GPC5: variants seen among roughly 807,000 people sequenced by gnomAD.
GPC5 encodes the protein glypican-5.
GPC5 carries 47 observed loss-of-function variants against 53.9 expected under a neutral mutation model. That is an observed-to-expected ratio of 0.87 (90% CI 0.69 to 1.11). The LOEUF is 1.11. GPC5 is among the 50% of genes most tolerant of loss of function. The pLI, the probability that GPC5 is intolerant of heterozygous loss-of-function variation, is 0.00. For synonymous variants in GPC5, 286 were observed against 263.3 expected (o/e 1.09, Z -0.84); for missense variants, 748 against 713.1 (o/e 1.05, Z -0.56).
chr13:91,685,176 T>C (rs527811623), intron 2 of GPC5, among the ~76,000 whole-genome samples: 1 of 152,172 alleles, frequency 6.6e-6, no homozygotes, highest in South Asian at 2.1e-4. Flanking sequence ...GTGGTGGCGC[T>C]TGTCTGTGGT....
intron 7 of GPC5, among the ~76,000 whole-genome samples, chr13:92,667,895 G>A (rs1886626907): frequency 6.6e-6 from 1 of 152,022 alleles, no homozygotes; most frequent in Non-Finnish European, 1.5e-5. Flanking sequence ...TATTTTCTAG[G>A]GATTTCAAGT....
intron 7 of GPC5, among the ~76,000 whole-genome samples, chr13:92,663,012 A>G (rs4384485): frequency 0.58 from 88,890 of 152,050 alleles, 29,475 homozygotes; most frequent in Non-Finnish European, 0.77. Context: ...ACACATGATC[A>G]CTACTGTGAA....
intron 6 of GPC5, among the ~76,000 whole-genome samples, chr13:92,115,491 G>A (rs1323630806): frequency 1.3e-5 from 2 of 152,096 alleles, no homozygotes; most frequent in Admixed American, 1.3e-4. Context: ...GCAACAGAAT[G>A]AGACTCCATC....
At chr13:92,630,925 G>A (rs1000716713) in intron 7 of GPC5, among the ~76,000 whole-genome samples, 2 of 152,022 alleles carry the variant, frequency 1.3e-5, no homozygotes, top group Non-Finnish European at 1.5e-5. Flanking sequence ...CAATATTAAA[G>A]ATGAGGCTGA....
chr13:92,756,904 G>C (rs1225314563), intron 7 of GPC5, among the ~76,000 whole-genome samples: 1 of 151,340 alleles, frequency 6.6e-6, no homozygotes, highest in Non-Finnish European at 1.5e-5. Context: ...TGGCCATACT[G>C]CCCAAGGTAA....
At chr13:92,576,622 A>G (rs1883199442) in intron 7 of GPC5, among the ~76,000 whole-genome samples, 1 of 152,172 alleles carries the variant, frequency 6.6e-6, no homozygotes, top group South Asian at 2.1e-4. Context: ...TAGAGCAAGT[A>G]AAATATAATT....
In GPC5 at chr13:92,363,971, A is replaced by G. The variant is rs546779176; in HGVS notation, c.1561+218982A>G. The stretch of plus-strand genomic sequence containing the variant: ...TTATTCCTCACATGTTTGAGAGAGT[A>G]GAGGAAAACATGCTCATGACTAGGA... On this transcript the variant is annotated intron_variant, in intron 7 of 7. Coordinates refer to ENST00000377067, the MANE Select transcript of GPC5 (RefSeq NM_004466.6). Among the ~76,000 whole-genome samples the G allele has an allele frequency of 3.6e-4, 54 of 151,920 alleles. 2 individuals are homozygous for G. Among genetic ancestry groups the G allele is most frequent in the African/African-American group, 1.3e-3 (54 of 41,164 alleles).
intron 7 of GPC5, among the ~76,000 whole-genome samples, chr13:92,430,141 A>T (rs1877021317): frequency 6.6e-6 from 1 of 152,090 alleles, no homozygotes; most frequent in African/African-American, 2.4e-5. Context: ...AAGAAAAAAA[A>T]AGTGCTTATA....
chr13:91,840,719 C>G (rs2038775976), intron 5 of GPC5, among the ~76,000 whole-genome samples: 1 of 150,622 alleles, frequency 6.6e-6, no homozygotes. Context: ...CTAATGCTAG[C>G]ACACAATGAC....
At chr13:92,343,872 G>T (rs183586244) in intron 7 of GPC5, among the ~76,000 whole-genome samples, 1 of 152,048 alleles carries the variant, frequency 6.6e-6, no homozygotes, top group East Asian at 1.9e-4. Context: ...AGTTTTCAGG[G>T]CATATCTTAT....
At chr13:91,498,605 A>G (rs1037519945) in intron 2 of GPC5, among the ~76,000 whole-genome samples, 15 of 152,278 alleles carry the variant, frequency 9.9e-5, no homozygotes, top group East Asian at 5.8e-4. Context: ...GTTTTTAAAT[A>G]TGGCAGTAAA....
intron 7 of GPC5, among the ~76,000 whole-genome samples, chr13:92,444,697 G>A (rs961205181): frequency 2.6e-5 from 3 of 114,360 alleles, no homozygotes; most frequent in South Asian, 3.0e-4. Context: ...GAAAAGAGAA[G>A]AGTGGATTCC....
At chr13:91,931,302 G>A (rs1394416863) in intron 6 of GPC5, among the ~76,000 whole-genome samples, 7 of 151,968 alleles carry the variant, frequency 4.6e-5, no homozygotes, top group Admixed American at 6.6e-5. Flanking sequence ...TAAGGCTTAC[G>A]TATAACATCA....
chr13:91,699,946 A>G (rs971890282), intron 3 of GPC5, among the ~76,000 whole-genome samples: 2 of 152,018 alleles, frequency 1.3e-5, no homozygotes, highest in South Asian at 2.1e-4. Context: ...TTTTTTTCAG[A>G]TATGGAATGA....
intron 2 of GPC5, among the ~76,000 whole-genome samples, chr13:91,666,895 T>A (rs2035127080): frequency 6.6e-6 from 1 of 152,208 alleles, no homozygotes; most frequent in Non-Finnish European, 1.5e-5. Flanking sequence ...AATCACATAA[T>A]TAAAATATTA....
intron 1 of GPC5, among the ~76,000 whole-genome samples, chr13:91,442,092 A>C (rs1446469035): frequency 6.6e-6 from 1 of 152,198 alleles, no homozygotes; most frequent in East Asian, 1.9e-4. Flanking sequence ...AATATTTTTT[A>C]TTATTAAATA....
chr13:92,377,224 A>G (rs1043463387), intron 7 of GPC5, among the ~76,000 whole-genome samples: 5 of 152,152 alleles, frequency 3.3e-5, no homozygotes, highest in African/African-American at 1.2e-4. Context: ...GTTTCATTAC[A>G]CTTTGCATGC....
At chr13:91,623,531 G>T (rs1229550320) in intron 2 of GPC5, among the ~76,000 whole-genome samples, 1 of 152,090 alleles carries the variant, frequency 6.6e-6, no homozygotes. Context: ...ATGGTTTGGG[G>T]TCTTTTATGG....
chr13:91,473,595 C>T (rs186994896), intron 2 of GPC5, among the ~76,000 whole-genome samples: 196 of 152,204 alleles, frequency 1.3e-3, no homozygotes, highest in African/African-American at 4.6e-3. Flanking sequence ...TTACTGTAAG[C>T]TTCAGTTTTA....
Sources: gnomAD v4.1 joint callset for allele counts (sites outside exome capture counted in the v4.1 genomes callset) on GRCh38, gnomAD v4.1.1 for gene constraint, MANE v1.5 for transcripts, NCBI Gene and HGNC (gene_info 2026-07-23, HGNC 2026-07-21) for gene names.